WWOX: variants seen among roughly 807,000 people sequenced by gnomAD.
WWOX encodes WW domain-containing oxidoreductase.
WWOX carries 69 observed loss-of-function variants against 46.2 expected under a neutral mutation model. The observed-to-expected ratio is 1.49, with a 90% CI of 1.23 to 1.82. The LOEUF is 1.82. WWOX is among the 40% of genes most tolerant of loss of function. WWOX has a pLI of 0.00. For missense variants in WWOX, 919 were observed against 542.6 expected (o/e 1.69, Z -6.89); for synonymous variants, 359 against 202.6 (o/e 1.77, Z -6.56).
chr16:78,452,803 G>A lies in WWOX; in HGVS notation c.1056+20051G>A, dbSNP rs116907786. On this transcript the variant is annotated intron_variant, in intron 8 of 8. Coordinates refer to ENST00000566780, the MANE Select transcript of WWOX (RefSeq NM_016373.4). ...TAATAAATACGTATTTATGTCTTTC[G>A]ATCTTTTTCTGTTTTTCTACATTCC... is the stretch of plus-strand genomic sequence containing the variant. 1.3e-3 allele frequency among the ~76,000 whole-genome samples: 190 copies of A among 150,180 alleles called. 3 individuals are homozygous for A. In the East Asian group the frequency reaches 0.035, roughly 27 times the overall value.
At chr16:78,174,465 A>G (rs555188512) in intron 5 of WWOX, among the ~76,000 whole-genome samples, 1 of 152,180 alleles carries the variant, frequency 6.6e-6, no homozygotes, top group East Asian at 1.9e-4. Context: ...GGGCGCAGCC[A>G]AACCATATCA....
chr16:79,061,117 G>T (rs1487942166), intron 8 of WWOX, among the ~76,000 whole-genome samples: 1 of 152,158 alleles, frequency 6.6e-6, no homozygotes, highest in African/African-American at 2.4e-5. Flanking sequence ...GGGTGGCCAT[G>T]GTGCTCACAG....
intron 8 of WWOX, among the ~76,000 whole-genome samples, chr16:78,686,953 G>A (rs73569214): frequency 5.3e-5 from 8 of 152,308 alleles, no homozygotes; most frequent in African/African-American, 1.7e-4. Flanking sequence ...TAAGGCTTGT[G>A]CCTTGCAAGT....
chr16:78,660,782 G>C (rs2047191617), intron 8 of WWOX, among the ~76,000 whole-genome samples: 1 of 152,158 alleles, frequency 6.6e-6, no homozygotes, highest in African/African-American at 2.4e-5. Flanking sequence ...TATGCATTTA[G>C]CATCAGTTGC....
intron 8 of WWOX, among the ~76,000 whole-genome samples, chr16:78,542,889 T>C (rs2043932078): frequency 6.6e-6 from 1 of 152,176 alleles, no homozygotes; most frequent in African/African-American, 2.4e-5. Context: ...CACAATGTGA[T>C]CCCTGAGGAT....
chr16:78,721,642 G>A (rs375054950), intron 8 of WWOX, among the ~76,000 whole-genome samples: 7 of 152,116 alleles, frequency 4.6e-5, no homozygotes, highest in African/African-American at 9.7e-5. Context: ...TGATTCCTCC[G>A]TCACTGGCTG....
In WWOX at chr16:78,744,592, TG is replaced by T; in HGVS notation, c.1056+311842del. On this transcript the variant is annotated intron_variant, in intron 8 of 8. Transcript: ENST00000566780. ...GATTACAGGCACCTGCCACCACACC[TG>T]GCTAATTTTTGTATTTTTAGTAGAG... 2.0e-5 allele frequency among the ~76,000 whole-genome samples: 3 copies of T among 151,884 alleles called. 1 individual carries two copies. The Middle Eastern group carries it at 0.01, about 517-fold the overall frequency.
intron 5 of WWOX, among the ~76,000 whole-genome samples, chr16:78,302,865 C>T (rs545129767): frequency 7.9e-4 from 120 of 152,306 alleles, no homozygotes; most frequent in African/African-American, 2.8e-3. Flanking sequence ...AAACCTTTGG[C>T]TTTGGTTTGA....
At chr16:78,736,577 C>CTTGTT (rs148246469) in intron 8 of WWOX, among the ~76,000 whole-genome samples, 22,705 of 150,858 alleles carry the variant, frequency 0.15, 2,051 homozygotes, top group African/African-American at 0.25. Flanking sequence ...CTCTTTCTTT[C>CTTGTT]TTGTTTTGTT....
chr16:78,395,243 G>C (rs946081408), intron 6 of WWOX, among the ~76,000 whole-genome samples: 1 of 152,198 alleles, frequency 6.6e-6, no homozygotes, highest in African/African-American at 2.4e-5. Flanking sequence ...GAGAGGACAC[G>C]TGTGATGTCT....
At chr16:79,208,808 A>T (rs1290613352) in intron 8 of WWOX, among the ~76,000 whole-genome samples, 1 of 152,200 alleles carries the variant, frequency 6.6e-6, no homozygotes, top group Non-Finnish European at 1.5e-5. Flanking sequence ...TCATATTAAG[A>T]TGTCACTCAG....
chr16:78,461,101 A>G (rs929006668), intron 8 of WWOX, among the ~76,000 whole-genome samples: 2 of 152,312 alleles, frequency 1.3e-5, no homozygotes, highest in African/African-American at 2.4e-5. Flanking sequence ...TGCCATAACA[A>G]AAGTGCAGAA....
intron 8 of WWOX, among the ~76,000 whole-genome samples, chr16:79,021,745 C>G (rs1287016948): frequency 2.0e-5 from 3 of 152,160 alleles, no homozygotes; most frequent in Non-Finnish European, 4.4e-5. Flanking sequence ...AAAGATGTAA[C>G]ATTTTGGCCA....
intron 8 of WWOX, among the ~76,000 whole-genome samples, chr16:78,607,911 C>A (rs1302556524): frequency 3.9e-5 from 6 of 151,984 alleles, no homozygotes; most frequent in African/African-American, 1.5e-4. Flanking sequence ...ATGTTTGAGA[C>A]CTGTAAAAAT....
chr16:78,411,285 T>C (rs762273395), intron 6 of WWOX, among the ~76,000 whole-genome samples: 3 of 152,092 alleles, frequency 2.0e-5, no homozygotes, highest in Non-Finnish European at 4.4e-5. Flanking sequence ...TTAGTAGTAG[T>C]TTGCTTCTTT....
At chr16:78,830,778 C>A (rs8045635) in intron 8 of WWOX, among the ~76,000 whole-genome samples, 4 of 151,812 alleles carry the variant, frequency 2.6e-5, no homozygotes, top group Admixed American at 2.6e-4. Context: ...AGCTCAGGGC[C>A]CCCTGGGAGT....
At chr16:78,621,220 A>C (rs1183726168) in intron 8 of WWOX, among the ~76,000 whole-genome samples, 2 of 152,200 alleles carry the variant, frequency 1.3e-5, no homozygotes, top group African/African-American at 2.4e-5. Flanking sequence ...GGCCAGAATA[A>C]GGCTGCCAAG....
chr16:78,594,408 G>C lies in WWOX; in HGVS notation c.1056+161656G>C, dbSNP rs556751693. On this transcript the variant is annotated intron_variant, in intron 8 of 8. Coordinates refer to ENST00000566780, the MANE Select transcript of WWOX (RefSeq NM_016373.4). The stretch of plus-strand genomic sequence containing the variant: ...CCTCTCTTTGTGTTACCTGAGTCTT[G>C]ACGAAGAAGACTGAGGAAAGGCCCC... 7.2e-3 allele frequency among the ~76,000 whole-genome samples: 923 copies of C among 127,620 alleles called. 14 individuals carry two copies. Among genetic ancestry groups the C allele is most frequent in the African/African-American group, 0.027 (901 of 33,314 alleles). The allele number at this position is 127,620 out of a possible 152,430, so 83.7% of individuals were successfully genotyped here.
intron 8 of WWOX, among the ~76,000 whole-genome samples, chr16:78,517,855 ATTTTTTT>A (rs11342538): frequency 1.4e-4 from 12 of 86,394 alleles, no homozygotes; most frequent in Admixed American, 4.6e-4. Flanking sequence ...TACACAACCT[ATTTTTTT>A]TTTTTTTTTT....
Sources: allele counts gnomAD v4.1 joint callset (sites outside exome capture counted in the v4.1 genomes callset), GRCh38; gene constraint gnomAD v4.1.1; transcripts MANE v1.5; gene names NCBI Gene and HGNC (gene_info 2026-07-23, HGNC 2026-07-21).